Variants in YPEL2 observed in about 807,000 individuals in gnomAD.
The protein encoded by YPEL2 is yippee like 2.
A neutral mutation model predicts 19.1 loss-of-function variants in YPEL2; 2 were observed. That is an observed-to-expected ratio of 0.10 (90% CI 0.04 to 0.33). The LOEUF (loss-of-function observed/expected upper bound fraction) is 0.33. YPEL2 is among the 10% of genes least tolerant of loss of function. YPEL2 has a pLI of 1.00. For missense variants in YPEL2, 66 were observed against 140.7 expected (o/e 0.47, Z 2.68); for synonymous variants, 52 against 50.0 (o/e 1.04, Z -0.17).
chr17:59,373,727 C>T (rs2047907666), intron 2 of YPEL2, among the ~76,000 whole-genome samples: 1 of 152,122 alleles, frequency 6.6e-6, no homozygotes, highest in South Asian at 2.1e-4. Context: ...TTTTTTTTAC[C>T]ATCAGAGATC....
intron 2 of YPEL2, among the ~76,000 whole-genome samples, chr17:59,387,857 A>G (rs2047988577): frequency 6.6e-6 from 1 of 152,196 alleles, no homozygotes; most frequent in Admixed American, 6.5e-5. Context: ...TTCTTGGGTC[A>G]GGGATTTTTT....
intron 1 of YPEL2, among the ~76,000 whole-genome samples, chr17:59,343,983 G>C (rs1288072497): frequency 1.3e-5 from 2 of 152,130 alleles, no homozygotes; most frequent in African/African-American, 4.8e-5. Context: ...AGAACCAACT[G>C]TCTAGGGGAC....
At chr17:59,349,388 G>A (rs1204152427) in intron 1 of YPEL2, among the ~76,000 whole-genome samples, 7 of 144,592 alleles carry the variant, frequency 4.8e-5, no homozygotes, top group Admixed American at 2.1e-4. Flanking sequence ...TGTTGAGACG[G>A]AGTCTCGCTC....
At chr17:59,354,223 CAG>C (rs2047801335) in intron 2 of YPEL2, 1 of 152,538 alleles carries the variant, frequency 6.6e-6, no homozygotes, top group African/African-American at 2.4e-5. Flanking sequence ...GGAGCGTTCT[CAG>C]GGGAACTGCT....
chr17:59,333,982 C>G (rs1283715993), intron 1 of YPEL2, among the ~76,000 whole-genome samples: 2 of 152,202 alleles, frequency 1.3e-5, no homozygotes, highest in Non-Finnish European at 2.9e-5. Context: ...CCCAAAATCA[C>G]TCAGCTGCCA....
intron 1 of YPEL2, among the ~76,000 whole-genome samples, chr17:59,346,388 A>G (rs2047756703): frequency 4.6e-5 from 7 of 152,246 alleles, no homozygotes; most frequent in Admixed American, 4.6e-4. Context: ...TGCCAATGAC[A>G]GGCCTTTGAG....
chr17:59,363,919 T>C (rs2047854777), intron 2 of YPEL2, among the ~76,000 whole-genome samples: 1 of 152,200 alleles, frequency 6.6e-6, no homozygotes, highest in African/African-American at 2.4e-5. Flanking sequence ...CCTTCTCCTT[T>C]CCTCTCTCTC....
intron 1 of YPEL2, among the ~76,000 whole-genome samples, chr17:59,342,696 TGG>T (rs2047737764): frequency 6.6e-6 from 1 of 152,194 alleles, no homozygotes; most frequent in Admixed American, 6.5e-5. Context: ...GGCAGTCTCT[TGG>T]GGCTGGAGGA....
intron 2 of YPEL2, among the ~76,000 whole-genome samples, chr17:59,370,187 T>C (rs59611019): frequency 0.023 from 3,467 of 152,122 alleles, 113 homozygotes; most frequent in East Asian, 0.12. Context: ...CTCAGCCTCC[T>C]GAATAGCTGG....
At chr17:59,393,588 A>G (rs1478015273) in intron 4 of YPEL2, among the ~76,000 whole-genome samples, 2 of 146,162 alleles carry the variant, frequency 1.4e-5, no homozygotes, top group African/African-American at 5.1e-5. Context: ...TCATAGGACA[A>G]TAGTGGAGGG....
chr17:59,375,938 A>G (rs2047918661), intron 2 of YPEL2, among the ~76,000 whole-genome samples: 1 of 152,216 alleles, frequency 6.6e-6, no homozygotes, highest in African/African-American at 2.4e-5. Context: ...CTGTGGGTTT[A>G]AAGTTCTGAC....
chr17:59,387,185 AGGAGAT>A (rs1366427551), intron 2 of YPEL2, among the ~76,000 whole-genome samples: 4 of 141,364 alleles, frequency 2.8e-5, no homozygotes, highest in African/African-American at 1.1e-4. Flanking sequence ...GCTTGAACTC[AGGAGAT>A]GGAGGTGCAG....
chr17:59,392,144 A>G (rs2048010599), intron 4 of YPEL2, among the ~76,000 whole-genome samples: 1 of 152,168 alleles, frequency 6.6e-6, no homozygotes. Flanking sequence ...AAGTGCAGAA[A>G]AGTTCTGCCC....
In YPEL2 at chr17:59,397,987, T is replaced by C. The variant is rs1297223757; in HGVS notation, c.*797T>C. 1 of 152,246 alleles carries C rather than the reference T, an allele frequency of 6.6e-6. No homozygotes were observed. Among genetic ancestry groups the C allele is most frequent in the Non-Finnish European group, 1.5e-5 (1 of 68,082 alleles). The allele number at this position is 152,246 out of a possible 1,614,324, so 9.4% of individuals were successfully genotyped here. Reference sequence around the variant, plus strand: ...GGTGTGAAGGGACTGCTGTTTGCAATGGGCTTACCATCCAAATATCCCAAA... The same window carrying C: ...GGTGTGAAGGGACTGCTGTTTGCAACGGGCTTACCATCCAAATATCCCAAA... On this transcript the variant is annotated 3_prime_UTR_variant, in exon 5 of 5. Coordinates refer to ENST00000312655, the MANE Select transcript of YPEL2 (RefSeq NM_001005404.4).
At chr17:59,338,302 G>A (rs2047709734) in intron 1 of YPEL2, among the ~76,000 whole-genome samples, 1 of 152,198 alleles carries the variant, frequency 6.6e-6, no homozygotes, top group African/African-American at 2.4e-5. Flanking sequence ...TCTTCTGGGT[G>A]TGAATGGTGA....
rs777816574 is a variant in YPEL2, at chr17:59,353,673, G to A, written c.117+147G>A. 7 of 718,518 alleles carry A rather than the reference G, an allele frequency of 9.7e-6. No individual in the cohort carries two copies. Among genetic ancestry groups the A allele is most frequent in the South Asian group, 7.1e-5 (5 of 70,014 alleles). 44.5% of individuals were successfully genotyped at this position (718,518 alleles called of 1,614,324 possible). On this transcript the variant is annotated intron_variant, in intron 2 of 4. Coordinates refer to ENST00000312655, the MANE Select transcript of YPEL2 (RefSeq NM_001005404.4). The surrounding 1 kb of genome is among the most constrained non-coding windows in gnomAD (Gnocchi z 4.8). ...ACCCACGTGACCGTCTCACTCAACTGAGAAAAACTCTGAGTTGGAGGGACA... is the reference window on the plus strand; with the variant it reads ...ACCCACGTGACCGTCTCACTCAACTAAGAAAAACTCTGAGTTGGAGGGACA...
intron 1 of YPEL2, among the ~76,000 whole-genome samples, chr17:59,351,922 G>A (rs1787842844): frequency 6.6e-6 from 1 of 152,176 alleles, no homozygotes; most frequent in Admixed American, 6.5e-5. Context: ...CACTCAGGAA[G>A]GTATAAAGTG....
At chr17:59,379,774 A>G (rs890641627) in intron 2 of YPEL2, among the ~76,000 whole-genome samples, 35 of 152,114 alleles carry the variant, frequency 2.3e-4, no homozygotes, top group Non-Finnish European at 3.5e-4. Flanking sequence ...TTATATCTCA[A>G]TTTTTAAAAG....
chr17:59,400,330 T>C lies in YPEL2; in HGVS notation c.*3140T>C, dbSNP rs1265721845. 1.3e-5 allele frequency: 2 copies of C among 152,642 alleles called. No individual in the cohort carries two copies. Among genetic ancestry groups the C allele is most frequent in the African/African-American group, 2.4e-5 (1 of 41,450 alleles). The allele number at this position is 152,642 out of a possible 1,614,324, so 9.5% of individuals were successfully genotyped here. A position where few individuals can be genotyped will look rare whatever the true frequency, so the allele number is the denominator to read the frequency against. On this transcript the variant is annotated 3_prime_UTR_variant, in exon 5 of 5. Coordinates refer to ENST00000312655, the MANE Select transcript of YPEL2 (RefSeq NM_001005404.4). The stretch of plus-strand genomic sequence containing the variant: ...AAACAGTTGCTTGTAAAATATACTT[T>C]TGTAAATAATATTTAATTTTTTAAA...
Sources: gnomAD v4.1 joint callset for allele counts (sites outside exome capture counted in the v4.1 genomes callset) on GRCh38, gnomAD v4.1.1 for gene constraint, Gnocchi (gnomAD v3.1) non-coding constraint, MANE v1.5 for transcripts, NCBI Gene and HGNC (gene_info 2026-07-23, HGNC 2026-07-21) for gene names.